Variants in SLC7A14 observed in about 807,000 individuals in gnomAD.
The protein encoded by SLC7A14 is gamma-aminobutyric acid transporter SLC7A14.
A neutral mutation model predicts 60.2 loss-of-function variants in SLC7A14; 37 were observed. The ratio of observed to expected loss-of-function variants is 0.61; its 90% confidence interval spans 0.47 to 0.81. The LOEUF is 0.81. Among genes scored for constraint, SLC7A14 ranks in the 30% least tolerant of loss-of-function variants. SLC7A14 has a pLI of 0.00. For synonymous variants in SLC7A14, 399 were observed against 395.8 expected, an observed-to-expected ratio of 1.01 and a Z score of -0.10; for missense variants, 886 against 982.7, an observed-to-expected ratio of 0.90 and a Z score of 1.32.
intron 7 of SLC7A14, among the ~76,000 whole-genome samples, chr3:170,468,714 C>G (rs1739794173): frequency 6.6e-6 from 1 of 152,184 alleles, no homozygotes; most frequent in African/African-American, 2.4e-5. Flanking sequence ...GTGTTCAAAT[C>G]CTGCCTTCAT....
chr3:170,522,416 CA>C (rs1713364512), intron 2 of SLC7A14, among the ~76,000 whole-genome samples: 1 of 152,146 alleles, frequency 6.6e-6, no homozygotes, highest in Non-Finnish European at 1.5e-5. Context: ...AAAGGATAAA[CA>C]AATGGTAGTA....
At chr3:170,487,951 A>AGT (rs1429093499) in intron 4 of SLC7A14, among the ~76,000 whole-genome samples, 3 of 152,358 alleles carry the variant, frequency 2.0e-5, no homozygotes, top group South Asian at 4.1e-4. Context: ...TGTTGCAGAG[A>AGT]TCTTGAAATA....
chr3:170,465,871 C>G lies in SLC7A14; in HGVS notation c.*1184G>C, dbSNP rs1251542375. ...TTCTTTTAATAGCCCCTTTTATGGCCCAAATTTACATCTTACCAGGTAGAT... is the reference window on the plus strand; with the variant it reads ...TTCTTTTAATAGCCCCTTTTATGGCGCAAATTTACATCTTACCAGGTAGAT... On this transcript the variant is annotated 3_prime_UTR_variant, in exon 8 of 8. Transcript: ENST00000231706. 2.0e-5 allele frequency: 3 copies of G among 151,904 alleles called. No individual in the cohort carries two copies. The highest frequency in any genetic ancestry group is 4.4e-5 in the Non-Finnish European group (3 of 67,982). The allele number at this position is 151,904 out of a possible 1,614,324, so 9.4% of individuals were successfully genotyped here. A position where few individuals can be genotyped will look rare whatever the true frequency, so the allele number is the denominator to read the frequency against.
At chr3:170,482,064 T>C (rs1577501137) in intron 6 of SLC7A14, among the ~76,000 whole-genome samples, 1 of 152,196 alleles carries the variant, frequency 6.6e-6, no homozygotes, top group Non-Finnish European at 1.5e-5. Context: ...ATGGGTTTAG[T>C]TGGCAAAATA....
At chr3:170,482,835 A>G (rs1196776505) in intron 6 of SLC7A14, among the ~76,000 whole-genome samples, 1 of 152,192 alleles carries the variant, frequency 6.6e-6, no homozygotes, top group Non-Finnish European at 1.5e-5. Flanking sequence ...CAAATGTTCA[A>G]TAAATGGCAG....
At chr3:170,517,490 C>A (rs371350508) in intron 2 of SLC7A14, among the ~76,000 whole-genome samples, 3 of 152,186 alleles carry the variant, frequency 2.0e-5, no homozygotes, top group African/African-American at 7.2e-5. Flanking sequence ...AAAGGACCAA[C>A]CCTCCTGTTT....
At chr3:170,484,528 G>C (rs1711953331) in intron 5 of SLC7A14, among the ~76,000 whole-genome samples, 1 of 152,176 alleles carries the variant, frequency 6.6e-6, no homozygotes, top group Non-Finnish European at 1.5e-5. Flanking sequence ...GATATGGGGG[G>C]CCCCCCAGGC....
intron 2 of SLC7A14, among the ~76,000 whole-genome samples, chr3:170,525,171 C>A (rs768332095): frequency 6.6e-6 from 1 of 152,188 alleles, no homozygotes; most frequent in Non-Finnish European, 1.5e-5. Context: ...TGATCTGCCA[C>A]CCTAAAACCC....
At chr3:170,505,887 CAAA>C (rs199647740) in intron 2 of SLC7A14, among the ~76,000 whole-genome samples, 1 of 132,126 alleles carries the variant, frequency 7.6e-6, no homozygotes, top group African/African-American at 2.8e-5. Flanking sequence ...GACTCTGTTT[CAAA>C]AAAAAAAAAG....
chr3:170,472,631 G>A (rs1489073214), intron 7 of SLC7A14, among the ~76,000 whole-genome samples: 1 of 151,978 alleles, frequency 6.6e-6, no homozygotes, highest in African/African-American at 2.4e-5. Context: ...GCCGGGCATG[G>A]CGGTGGGCAC....
At chr3:170,487,366 T>C (rs575129836) in intron 4 of SLC7A14, among the ~76,000 whole-genome samples, 1 of 151,752 alleles carries the variant, frequency 6.6e-6, no homozygotes, top group African/African-American at 2.4e-5. Context: ...CTTTGAATGC[T>C]TAGGGACGTC....
In SLC7A14 at chr3:170,480,392, AG is replaced by A; in HGVS notation, c.1889del (p.Pro630LeufsTer13). The A allele has an allele frequency of 6.2e-7, 1 of 1,612,088 alleles. No homozygotes were observed. The highest frequency in any genetic ancestry group is 8.5e-7 in the Non-Finnish European group (1 of 1,178,708). ...ENPKKLPYMAPCLPFVPAFAM... is the reference protein window; with the variant it reads ...ENPKKLPYMAXCLPFVPAFAM... ...CAAAGGCAGGCACAAAGGGGAGGCA[AG>A]GGGCCATGTAGGGCAGCTTCTTGGG... On this transcript the variant is annotated frameshift_variant, in exon 7 of 8. Transcript: ENST00000231706. LOFTEE classifies it high-confidence loss of function.
chr3:170,480,404 G>A lies in SLC7A14; in HGVS notation c.1878C>T (p.Pro626=), dbSNP rs1450853256. The change falls in exon 7 of 8, where the codon CCC becomes CCT. Residue 626 remains proline (P), a synonymous_variant. Transcript: ENST00000231706. The part of the protein sequence containing the change: ...LQQPENPKKL[P]YMAPCLPFVP... ...CAAAGGGGAGGCAAGGGGCCATGTA[G>A]GGCAGCTTCTTGGGGTTCTCTGGCT... 1 of 1,613,244 alleles carries A rather than the reference G, an allele frequency of 6.2e-7. No homozygotes were observed. Among genetic ancestry groups the A allele is most frequent in the South Asian group, 1.1e-5 (1 of 90,966 alleles).
At chr3:170,557,570 T>C (rs1714521308) in intron 1 of SLC7A14, among the ~76,000 whole-genome samples, 1 of 152,140 alleles carries the variant, frequency 6.6e-6, no homozygotes, top group South Asian at 2.1e-4. Context: ...CGGAAGGAAG[T>C]TGTATGACCT....
At chr3:170,561,825 G>C (rs1714662433) in intron 1 of SLC7A14, among the ~76,000 whole-genome samples, 1 of 152,082 alleles carries the variant, frequency 6.6e-6, no homozygotes, top group South Asian at 2.1e-4. Flanking sequence ...TCAAAAAGTG[G>C]ACTAAGGGCA....
intron 7 of SLC7A14, among the ~76,000 whole-genome samples, chr3:170,469,902 C>T (rs192158177): frequency 6.6e-6 from 1 of 152,234 alleles, no homozygotes; most frequent in East Asian, 1.9e-4. Context: ...ATTGTTCAGT[C>T]ACTGGTTTGA....
chr3:170,515,395 G>C (rs1351491236), intron 2 of SLC7A14, among the ~76,000 whole-genome samples: 2 of 151,900 alleles, frequency 1.3e-5, no homozygotes, highest in South Asian at 2.1e-4. Context: ...GGGCGAGGCT[G>C]CTCACTAGCC....
At chr3:170,517,224 T>C (rs934444925) in intron 2 of SLC7A14, among the ~76,000 whole-genome samples, 22 of 152,242 alleles carry the variant, frequency 1.4e-4, no homozygotes, top group African/African-American at 5.1e-4. Flanking sequence ...AGAGACTTTA[T>C]AAGCATCAGG....
intron 7 of SLC7A14, chr3:170,476,666 A>C (rs1417722259): frequency 6.6e-6 from 1 of 152,242 alleles, no homozygotes; most frequent in East Asian, 1.9e-4. Context: ...TTTTTAAAAG[A>C]AAGGCAGGAA....
Sources: gnomAD v4.1 joint callset for allele counts (sites outside exome capture counted in the v4.1 genomes callset) on GRCh38, gnomAD v4.1.1 for gene constraint, MANE v1.5 for transcripts, NCBI Gene and HGNC (gene_info 2026-07-23, HGNC 2026-07-21) for gene names.